Variants in GPR176 observed in about 807,000 individuals in gnomAD.
GPR176 encodes the protein G-protein coupled receptor 176.
In GPR176, 26 loss-of-function variants were observed where a neutral mutation model predicts 35.4. That is an observed-to-expected ratio of 0.74 (90% CI 0.54 to 1.02). The LOEUF is 1.02. Ranked by LOEUF, GPR176 falls within the 50% of genes least tolerant of loss-of-function variation. The pLI is 0.00. For synonymous variants in GPR176, 278 were observed against 271.3 expected (o/e 1.02, Z -0.24); for missense variants, 597 against 665.3 (o/e 0.90, Z 1.13).
intron 1 of GPR176, among the ~76,000 whole-genome samples, chr15:39,880,887 C>T (rs1161662160): frequency 6.6e-6 from 1 of 152,204 alleles, no homozygotes; most frequent in Non-Finnish European, 1.5e-5. Context: ...ATTAGTCTCC[C>T]TACTTCTAGT....
intron 1 of GPR176, among the ~76,000 whole-genome samples, chr15:39,870,642 C>A (rs146988419): frequency 6.6e-6 from 1 of 152,202 alleles, no homozygotes; most frequent in East Asian, 1.9e-4. Context: ...GGTCTACATA[C>A]CCTGTATAAT....
intron 1 of GPR176, among the ~76,000 whole-genome samples, chr15:39,859,319 A>G (rs2031442899): frequency 6.6e-6 from 1 of 152,140 alleles, no homozygotes. Context: ...ACACAACAAC[A>G]AAAATAACCT....
chr15:39,882,434 A>T (rs757313738), intron 1 of GPR176, among the ~76,000 whole-genome samples: 6 of 152,220 alleles, frequency 3.9e-5, no homozygotes, highest in Admixed American at 6.5e-5. Flanking sequence ...TATTTGAGGG[A>T]TAAGTACTTA....
At chr15:39,857,292 C>T (rs529236750) in intron 1 of GPR176, among the ~76,000 whole-genome samples, 1 of 152,280 alleles carries the variant, frequency 6.6e-6, no homozygotes, top group East Asian at 1.9e-4. Flanking sequence ...TTACTTCCCC[C>T]TGCCCCAAAT....
chr15:39,888,733 T>C (rs16969970), intron 1 of GPR176, among the ~76,000 whole-genome samples: 7,525 of 152,304 alleles, frequency 0.049, 188 homozygotes, highest in Non-Finnish European at 0.062. Flanking sequence ...AGTAGCCTCA[T>C]CAATCCCTTT....
chr15:39,897,110 G>A (rs1346017031), intron 1 of GPR176, among the ~76,000 whole-genome samples: 2 of 152,158 alleles, frequency 1.3e-5, no homozygotes, highest in Admixed American at 6.5e-5. Flanking sequence ...AATCAGTAAT[G>A]AGAAAAGAGG....
At chr15:39,822,834 A>G (rs1900365753) in intron 1 of GPR176, among the ~76,000 whole-genome samples, 1 of 152,214 alleles carries the variant, frequency 6.6e-6, no homozygotes, top group African/African-American at 2.4e-5. Context: ...TTTTTCCCTG[A>G]TAAGTAGCTG....
intron 1 of GPR176, among the ~76,000 whole-genome samples, chr15:39,840,606 A>G (rs2029898183): frequency 1.3e-5 from 2 of 152,198 alleles, no homozygotes; most frequent in South Asian, 2.1e-4. Flanking sequence ...CGTTGTGCAC[A>G]TGTACCCTAG....
intron 1 of GPR176, among the ~76,000 whole-genome samples, chr15:39,843,092 G>A (rs2030147518): frequency 6.6e-6 from 1 of 151,922 alleles, no homozygotes. Context: ...CTTTGTGCAT[G>A]AGTACTGGGC....
At position 39,906,504 on chromosome 15, in the gene GPR176, C is replaced by T. The variant is rs534787651; in HGVS notation, c.172+13351G>A. ...TGTCCCCAGGCTGCTTTTGGCCATACTTTTGACCTGTCTAAGACCCAAAGA... is the reference window on the plus strand; with the variant it reads ...TGTCCCCAGGCTGCTTTTGGCCATATTTTTGACCTGTCTAAGACCCAAAGA... On this transcript the variant is annotated intron_variant, in intron 1 of 2. Coordinates refer to ENST00000561100, the MANE Select transcript of GPR176 (RefSeq NM_007223.3). Among the ~76,000 whole-genome samples the T allele has an allele frequency of 2.0e-4, 31 of 152,348 alleles. No individual in the cohort carries two copies. The South Asian group carries it at 6.0e-3, about 29-fold the overall frequency.
chr15:39,906,764 T>C (rs981932370), intron 1 of GPR176, among the ~76,000 whole-genome samples: 50 of 152,248 alleles, frequency 3.3e-4, no homozygotes, highest in African/African-American at 1.2e-3. Context: ...TTCATGTTTA[T>C]TTTCACAAGG....
intron 1 of GPR176, chr15:39,807,503 G>C: frequency 7.2e-7 from 1 of 1,388,508 alleles, no homozygotes; most frequent in East Asian, 2.6e-5. Flanking sequence ...ATTTAATTTT[G>C]GGCAAAATAG....
intron 1 of GPR176, among the ~76,000 whole-genome samples, chr15:39,841,688 G>C (rs644743): frequency 1.3e-5 from 2 of 152,084 alleles, no homozygotes; most frequent in Admixed American, 6.5e-5. Context: ...CAGACTTCTC[G>C]CCTACAGAAC....
intron 1 of GPR176, among the ~76,000 whole-genome samples, chr15:39,915,810 G>A (rs1284770801): frequency 6.6e-6 from 1 of 152,272 alleles, no homozygotes; most frequent in Non-Finnish European, 1.5e-5. Context: ...AACCCAGGAG[G>A]CAGAGGTTGC....
At chr15:39,826,771 G>C (rs1450564285) in intron 1 of GPR176, among the ~76,000 whole-genome samples, 1 of 152,158 alleles carries the variant, frequency 6.6e-6, no homozygotes, top group Non-Finnish European at 1.5e-5. Flanking sequence ...GAAGCCAGAG[G>C]GGGCCTGAAA....
chr15:39,910,899 G>T (rs966122626), intron 1 of GPR176, among the ~76,000 whole-genome samples: 1 of 151,962 alleles, frequency 6.6e-6, no homozygotes, highest in East Asian at 1.9e-4. Context: ...TTAGCCAGGC[G>T]TGGTGGCATG....
intron 1 of GPR176, among the ~76,000 whole-genome samples, chr15:39,917,461 G>A (rs61542067): frequency 1.3e-5 from 2 of 149,002 alleles, no homozygotes; most frequent in Non-Finnish European, 1.5e-5. Flanking sequence ...TCAGCCTCCC[G>A]AGTGGCTGGG....
intron 1 of GPR176, among the ~76,000 whole-genome samples, chr15:39,808,139 A>AGACT (rs1252155952): frequency 6.6e-6 from 1 of 152,272 alleles, no homozygotes; most frequent in African/African-American, 2.4e-5. Flanking sequence ...TCCCTACGTT[A>AGACT]GACTACCCAT....
Position 39,801,091 on chromosome 15 carries a change from T to C in GPR176, c.*41A>G. The C allele has an allele frequency of 1.3e-6, 2 of 1,524,372 alleles. No individual in the cohort carries two copies. The highest frequency in any genetic ancestry group is 1.8e-6 in the Non-Finnish European group (2 of 1,123,520). The allele number at this position is 1,524,372 out of a possible 1,614,324, so 94.4% of individuals were successfully genotyped here. A position where few individuals can be genotyped will look rare whatever the true frequency, so the allele number is the denominator to read the frequency against. On this transcript the variant is annotated 3_prime_UTR_variant, in exon 3 of 3. Coordinates refer to ENST00000561100, the MANE Select transcript of GPR176 (RefSeq NM_007223.3). ...CAGCATTCCCACACTCTGGTGGGAA[T>C]ATGGAAGCTCCCCGTTGCTTCCAAG...
Sources: allele counts gnomAD v4.1 joint callset (sites outside exome capture counted in the v4.1 genomes callset), GRCh38; gene constraint gnomAD v4.1.1; transcripts MANE v1.5; gene names NCBI Gene and HGNC (gene_info 2026-07-23, HGNC 2026-07-21).